RNF216: variants seen among roughly 807,000 people sequenced by gnomAD.
The protein encoded by RNF216 is E3 ubiquitin-protein ligase RNF216.
In RNF216, 72 loss-of-function variants were observed where a neutral mutation model predicts 110.8. The observed-to-expected ratio is 0.65, with a 90% confidence interval of 0.54 to 0.79. The LOEUF is 0.79. RNF216 is among the 30% of genes least tolerant of loss of function. The probability of loss-of-function intolerance (pLI) is 0.00; values close to 1 mark genes in which losing one functional copy is unlikely to be tolerated. For missense variants in RNF216, 1,342 were observed against 1,141.2 expected, an observed-to-expected ratio of 1.18 and a Z score of -2.54; for synonymous variants, 495 against 407.5, an observed-to-expected ratio of 1.21 and a Z score of -2.59.
chr7:5,748,621 C>T (rs893694412), intron 3 of RNF216, among the ~76,000 whole-genome samples: 2 of 110,496 alleles, frequency 1.8e-5, no homozygotes, highest in Non-Finnish European at 3.9e-5. Flanking sequence ...TACACACACA[C>T]ACACACACAC....
At chr7:5,637,617 G>A (rs897794391) in intron 15 of RNF216, among the ~76,000 whole-genome samples, 3 of 152,128 alleles carry the variant, frequency 2.0e-5, no homozygotes, top group African/African-American at 7.2e-5. Flanking sequence ...CGCAGTCAGG[G>A]CTCACTGCAT....
intron 11 of RNF216, 103 bp from the exon 12 acceptor site, chr7:5,712,966 G>C: frequency 9.8e-7 from 1 of 1,022,754 alleles, no homozygotes; most frequent in Non-Finnish European, 1.4e-6. Context: ...AACATAGCAA[G>C]GATCTCTCTG....
At chr7:5,762,885 A>C (rs1796007728) in intron 1 of RNF216, among the ~76,000 whole-genome samples, 1 of 152,208 alleles carries the variant, frequency 6.6e-6, no homozygotes, top group Non-Finnish European at 1.5e-5. Context: ...ACATATGTTA[A>C]ATCTGGGTAG....
intron 3 of RNF216, among the ~76,000 whole-genome samples, chr7:5,748,662 T>A (rs1795173335): frequency 6.7e-6 from 1 of 148,264 alleles, no homozygotes; most frequent in African/African-American, 2.5e-5. Context: ...ACACACATAA[T>A]ATACTAACTA....
chr7:5,758,074 T>C (rs868807493), intron 2 of RNF216, among the ~76,000 whole-genome samples: 11 of 152,064 alleles, frequency 7.2e-5, no homozygotes, highest in African/African-American at 2.2e-4. Flanking sequence ...GGGTGCAGAG[T>C]ATACATACTC....
chr7:5,697,527 C>G (rs539130280), intron 13 of RNF216, among the ~76,000 whole-genome samples: 1 of 152,288 alleles, frequency 6.6e-6, no homozygotes, highest in East Asian at 1.9e-4. Flanking sequence ...TGTACCATGG[C>G]TGGGCTAAGG....
intron 13 of RNF216, among the ~76,000 whole-genome samples, chr7:5,703,936 A>G (rs1792126382): frequency 6.6e-6 from 1 of 152,220 alleles, no homozygotes; most frequent in Non-Finnish European, 1.5e-5. Context: ...CTAAGAATAC[A>G]TATTCCAGAA....
intron 2 of RNF216, among the ~76,000 whole-genome samples, chr7:5,759,333 A>C (rs1408551157): frequency 6.6e-6 from 1 of 152,098 alleles, no homozygotes; most frequent in Non-Finnish European, 1.5e-5. Context: ...TGGAGAACGA[A>C]CTAATACAAT....
chr7:5,725,279 T>C (rs1793679279), intron 8 of RNF216, 45 bp downstream of exon 8: 3 of 1,118,826 alleles, frequency 2.7e-6, no homozygotes, highest in East Asian at 4.7e-5. Context: ...GAAGAAAAGG[T>C]ACAGTGTTGC....
intron 15 of RNF216, among the ~76,000 whole-genome samples, chr7:5,629,798 G>C (rs1786952162): frequency 7.9e-6 from 1 of 126,480 alleles, no homozygotes; most frequent in African/African-American, 3.1e-5. Flanking sequence ...CTGCACTCCA[G>C]CCTGGGCAAC....
rs976003787 is a variant in RNF216, at chr7:5,622,250, C to A, written c.*610G>T. On this transcript the variant is annotated 3_prime_UTR_variant, in exon 17 of 17. Transcript: ENST00000389902. ...GGCGGCAACAGAACAAAACCCCCGC[C>A]GCGAGATGGGTCTGCTGCTGCCTCA... 11 of 152,472 alleles carry A rather than the reference C, an allele frequency of 7.2e-5. No homozygotes were observed. The highest frequency in any genetic ancestry group is 2.2e-4 in the African/African-American group (9 of 41,470). The allele number at this position is 152,472 out of a possible 1,614,324, so 9.4% of individuals were successfully genotyped here.
chr7:5,688,466 T>C (rs889075414), intron 13 of RNF216, among the ~76,000 whole-genome samples: 1 of 152,228 alleles, frequency 6.6e-6, no homozygotes, highest in African/African-American at 2.4e-5. Flanking sequence ...GAAGAACACA[T>C]ACTGAATGTG....
intron 13 of RNF216, among the ~76,000 whole-genome samples, chr7:5,704,538 G>T (rs1017064762): frequency 6.6e-6 from 1 of 152,220 alleles, no homozygotes; most frequent in Non-Finnish European, 1.5e-5. Flanking sequence ...ATTTGCTTTG[G>T]TACTGAGCCC....
At chr7:5,634,366 G>T (rs540450713) in intron 15 of RNF216, among the ~76,000 whole-genome samples, 69 of 152,310 alleles carry the variant, frequency 4.5e-4, no homozygotes, top group Non-Finnish European at 9.0e-4. Context: ...TAATAAACTT[G>T]CAATGATTTC....
intron 13 of RNF216, among the ~76,000 whole-genome samples, chr7:5,676,447 C>G (rs1443871318): frequency 1.3e-5 from 2 of 152,156 alleles, no homozygotes; most frequent in East Asian, 3.9e-4. Flanking sequence ...CAAGTCAAGC[C>G]CCATCTGTGA....
At chr7:5,740,840 A>G in intron 4 of RNF216, 133 bp downstream of exon 4, 1 of 784,110 alleles carries the variant, frequency 1.3e-6, no homozygotes, top group Non-Finnish European at 1.9e-6. Context: ...TCTATTCTGT[A>G]CATCTAGATA....
At chr7:5,642,031 T>C (rs1169503670) in intron 14 of RNF216, among the ~76,000 whole-genome samples, 2 of 118,562 alleles carry the variant, frequency 1.7e-5, no homozygotes, top group Non-Finnish European at 3.3e-5. Context: ...AGACTCTATC[T>C]TAAAAAAAAA....
chr7:5,676,200 TAGG>T (rs1562815824), intron 13 of RNF216, among the ~76,000 whole-genome samples: 1 of 151,530 alleles, frequency 6.6e-6, no homozygotes, highest in East Asian at 1.9e-4. Context: ...TTAGGAGAGA[TAGG>T]GTTTTGCCAT....
At chr7:5,745,367 G>T (rs1171469819) in intron 3 of RNF216, among the ~76,000 whole-genome samples, 1 of 152,084 alleles carries the variant, frequency 6.6e-6, no homozygotes. Context: ...AAAGCAAAAA[G>T]GCACCATCAC....
Sources: allele counts gnomAD v4.1 joint callset (sites outside exome capture counted in the v4.1 genomes callset), GRCh38; gene constraint gnomAD v4.1.1; transcripts MANE v1.5; gene names NCBI Gene and HGNC (gene_info 2026-07-23, HGNC 2026-07-21).